The following RALYL variants were observed in gnomAD, a reference collection of about 807,000 sequenced individuals.
RALYL encodes RALY RNA binding protein like, also known as RNA-binding Raly-like protein.
In RALYL, 29 loss-of-function variants were observed where a neutral mutation model predicts 35.1. That is an observed-to-expected ratio of 0.83 (90% CI 0.61 to 1.13). The LOEUF (loss-of-function observed/expected upper bound fraction) is 1.13. Ranked by LOEUF, RALYL falls within the 50% of genes most tolerant of loss-of-function variation. The pLI is 0.00. For missense variants in RALYL, 359 were observed against 360.4 expected, an observed-to-expected ratio of 1.00 and a Z score of 0.03; for synonymous variants, 120 against 127.6, an observed-to-expected ratio of 0.94 and a Z score of 0.40.
intron 2 of RALYL, among the ~76,000 whole-genome samples, chr8:84,657,310 C>A (rs975852593): frequency 1.3e-5 from 2 of 152,088 alleles, no homozygotes; most frequent in African/African-American, 4.8e-5. Context: ...AATTAGTTTT[C>A]TTTTACTAAA....
At chr8:84,255,745 C>A (rs780750950) in intron 1 of RALYL, among the ~76,000 whole-genome samples, 1 of 152,084 alleles carries the variant, frequency 6.6e-6, no homozygotes. Context: ...AGCTGCACAT[C>A]TGAAATGACT....
chr8:84,365,473 G>T (rs1452670867), intron 1 of RALYL, among the ~76,000 whole-genome samples: 1 of 152,056 alleles, frequency 6.6e-6, no homozygotes, highest in East Asian at 1.9e-4. Flanking sequence ...ATTTATAAAA[G>T]AATTGATGTT....
chr8:84,201,563 T>C (rs1816850642), intron 1 of RALYL, among the ~76,000 whole-genome samples: 1 of 151,818 alleles, frequency 6.6e-6, no homozygotes, highest in Non-Finnish European at 1.5e-5. Context: ...TTCATTTTGC[T>C]TTTCTTTTTT....
chr8:84,471,316 C>T (rs1180914362), intron 1 of RALYL, among the ~76,000 whole-genome samples: 1 of 152,086 alleles, frequency 6.6e-6, no homozygotes, highest in African/African-American at 2.4e-5. Flanking sequence ...GGGACAGTGT[C>T]TCACACCTGT....
intron 1 of RALYL, among the ~76,000 whole-genome samples, chr8:84,202,779 T>A (rs910263041): frequency 1.3e-5 from 2 of 152,214 alleles, no homozygotes; most frequent in African/African-American, 4.8e-5. Flanking sequence ...ATTTTCCTGG[T>A]GTAGGCATGA....
intron 1 of RALYL, among the ~76,000 whole-genome samples, chr8:84,497,401 G>C (rs571968812): frequency 6.6e-6 from 1 of 152,172 alleles, no homozygotes; most frequent in African/African-American, 2.4e-5. Flanking sequence ...ACCAAAATTA[G>C]CTAATTGGTT....
chr8:84,886,244 G>A (rs1842907601), intron 7 of RALYL, among the ~76,000 whole-genome samples: 2 of 151,814 alleles, frequency 1.3e-5, no homozygotes, highest in Admixed American at 6.6e-5. Context: ...TTAATTATAA[G>A]CAATTTCTTG....
At chr8:84,622,581 T>G (rs1821782419) in intron 2 of RALYL, among the ~76,000 whole-genome samples, 1 of 152,114 alleles carries the variant, frequency 6.6e-6, no homozygotes, top group Admixed American at 6.5e-5. Flanking sequence ...AGGACAACGC[T>G]CCACAGAGTC....
chr8:84,898,704 A>G (rs1441690257), intron 8 of RALYL, among the ~76,000 whole-genome samples: 2 of 152,178 alleles, frequency 1.3e-5, no homozygotes, highest in African/African-American at 4.8e-5. Context: ...ATTGCAATTA[A>G]ACAGACAGAG....
Position 84,740,085 on chromosome 8 carries a change from T to C in RALYL, c.257-34494T>C, listed in dbSNP as rs555734582. On this transcript the variant is annotated intron_variant, in intron 2 of 8. Transcript: ENST00000521268. ...ATAAAAGTCTGATGAGATAAAGAAATGTGAGGAAGGAAGACATGCTAATAC... is the reference window on the plus strand; with the variant it reads ...ATAAAAGTCTGATGAGATAAAGAAACGTGAGGAAGGAAGACATGCTAATAC... 1.3e-3 allele frequency among the ~76,000 whole-genome samples: 201 copies of C among 151,818 alleles called. 1 individual carries two copies. The highest frequency in any genetic ancestry group is 1.7e-3 in the Non-Finnish European group (116 of 67,862).
At chr8:84,814,619 T>C (rs1236464822) in intron 4 of RALYL, among the ~76,000 whole-genome samples, 1 of 152,116 alleles carries the variant, frequency 6.6e-6, no homozygotes, top group Admixed American at 6.5e-5. Context: ...AATCTGAATA[T>C]TGCAGTGGAA....
At chr8:84,759,105 A>G (rs1003874237) in intron 2 of RALYL, among the ~76,000 whole-genome samples, 2 of 151,756 alleles carry the variant, frequency 1.3e-5, no homozygotes, top group Admixed American at 1.3e-4. Flanking sequence ...TGGCACTATG[A>G]CCTCCTCTTC....
chr8:84,386,375 A>G (rs2131684644), intron 1 of RALYL, among the ~76,000 whole-genome samples: 1 of 151,888 alleles, frequency 6.6e-6, no homozygotes, highest in South Asian at 2.1e-4. Flanking sequence ...GTTACATAAC[A>G]TGTATCAACA....
At chr8:84,399,277 G>A (rs989890698) in intron 1 of RALYL, among the ~76,000 whole-genome samples, 1 of 152,150 alleles carries the variant, frequency 6.6e-6, no homozygotes, top group African/African-American at 2.4e-5. Context: ...TGCTCACAAT[G>A]AGTCTTAGAA....
intron 3 of RALYL, among the ~76,000 whole-genome samples, chr8:84,803,267 G>T (rs148166591): frequency 1.3e-5 from 2 of 152,116 alleles, no homozygotes; most frequent in Non-Finnish European, 2.9e-5. Flanking sequence ...TACCATTATC[G>T]TGTTGATGGT....
chr8:84,599,096 A>T (rs1306212816), intron 2 of RALYL, among the ~76,000 whole-genome samples: 1 of 152,128 alleles, frequency 6.6e-6, no homozygotes, highest in African/African-American at 2.4e-5. Flanking sequence ...ACTGTAAAAC[A>T]TATAACCTTA....
chr8:84,715,595 T>C (rs937042833), intron 2 of RALYL, among the ~76,000 whole-genome samples: 1 of 152,018 alleles, frequency 6.6e-6, no homozygotes, highest in African/African-American at 2.4e-5. Flanking sequence ...TGCAAATGAA[T>C]GTATTTGTCT....
chr8:84,226,185 C>T (rs375355856), intron 1 of RALYL, among the ~76,000 whole-genome samples: 1 of 152,068 alleles, frequency 6.6e-6, no homozygotes, highest in African/African-American at 2.4e-5. Flanking sequence ...GTGCATGCAA[C>T]GGATCTAGGT....
At chr8:84,250,051 T>G (rs1218692998) in intron 1 of RALYL, among the ~76,000 whole-genome samples, 2 of 152,030 alleles carry the variant, frequency 1.3e-5, no homozygotes, top group Non-Finnish European at 2.9e-5. Flanking sequence ...TATTACAATA[T>G]CCAGTGTCCT....
Sources: gnomAD v4.1 joint callset for allele counts (sites outside exome capture counted in the v4.1 genomes callset) on GRCh38, gnomAD v4.1.1 for gene constraint, MANE v1.5 for transcripts, NCBI Gene and HGNC (gene_info 2026-07-23, HGNC 2026-07-21) for gene names.